Variants in TSPEAR observed in about 807,000 individuals in gnomAD.
TSPEAR encodes thrombospondin-type laminin G domain and EAR repeat-containing protein.
In TSPEAR, 69 loss-of-function variants were observed where a neutral mutation model predicts 71.6. That is an observed-to-expected ratio of 0.96 (90% CI 0.79 to 1.18). The LOEUF is 1.18. TSPEAR is among the 50% of genes most tolerant of loss of function. The pLI is 0.00. For missense variants in TSPEAR, 971 were observed against 894.9 expected, an observed-to-expected ratio of 1.09 and a Z score of -1.09; for synonymous variants, 402 against 387.2, an observed-to-expected ratio of 1.04 and a Z score of -0.45.
chr21:44,512,914 CG>C (rs1402451400), intron 9 of TSPEAR, among the ~76,000 whole-genome samples: 1 of 152,066 alleles, frequency 6.6e-6, no homozygotes, highest in Non-Finnish European at 1.5e-5. Flanking sequence ...CCTGGGGGGC[CG>C]GGGGCGGCTC....
At chr21:44,688,025 G>C (rs1318725970) in intron 1 of TSPEAR, among the ~76,000 whole-genome samples, 1 of 151,980 alleles carries the variant, frequency 6.6e-6, no homozygotes, top group East Asian at 1.9e-4. Context: ...GATGCCCACT[G>C]TTTAATTTTT....
At position 44,525,750 on chromosome 21, in the gene TSPEAR, A is replaced by T. The variant is rs782763210; in HGVS notation, c.1239T>A (p.Phe413Leu). The change falls in exon 8 of 12, where the codon TTT (phenylalanine) becomes TTA (leucine). Residue 413 changes from phenylalanine to leucine, a missense_variant. Transcript: ENST00000323084. ...IYKWSHRKLK[F>L]TPYQSIATHS... is the part of the protein sequence containing the mutation. ...GTGTGGCAATGCTCTGATATGGGGTAAACTTCAGCTTTCTGTGGCTCCATT... is the reference window on the plus strand; with the variant it reads ...GTGTGGCAATGCTCTGATATGGGGTTAACTTCAGCTTTCTGTGGCTCCATT... The T allele has an allele frequency of 1.2e-6, 2 of 1,614,144 alleles. No homozygotes were observed. Among genetic ancestry groups the T allele is most frequent in the Non-Finnish European group, 1.7e-6 (2 of 1,180,030 alleles).
Position 44,527,303 on chromosome 21 carries a change from T to A in TSPEAR, c.1138A>T (p.Ile380Phe). The A allele has an allele frequency of 6.2e-7, 1 of 1,614,172 alleles. No individual in the cohort carries two copies. Among genetic ancestry groups the A allele is most frequent in the Non-Finnish European group, 8.5e-7 (1 of 1,180,020 alleles). The change falls in exon 7 of 12, where the codon ATC becomes TTC. Residue 380 changes from isoleucine to phenylalanine, a missense_variant. Coordinates refer to ENST00000323084, the MANE Select transcript of TSPEAR (RefSeq NM_144991.3). ...GAACACAGACTTGCCTTTTTCCCGATGGTGAAATGCCTCCAGGCCTGTGCT... is the reference window on the plus strand; with the variant it reads ...GAACACAGACTTGCCTTTTTCCCGAAGGTGAAATGCCTCCAGGCCTGTGCT... ...HQAQAWRHFT[I>F]GKKIFLAVAN...
intron 1 of TSPEAR, among the ~76,000 whole-genome samples, chr21:44,652,198 T>C (rs1984845977): frequency 2.0e-5 from 3 of 152,318 alleles, no homozygotes; most frequent in Admixed American, 2.0e-4. Context: ...TTAGCCAGGA[T>C]GGTCTCGATC....
At chr21:44,656,557 C>A (rs1985158997) in intron 1 of TSPEAR, among the ~76,000 whole-genome samples, 2 of 152,192 alleles carry the variant, frequency 1.3e-5, no homozygotes, top group African/African-American at 4.8e-5. Context: ...TTGCAAGAAC[C>A]TTATACCTTG....
intron 1 of TSPEAR, chr21:44,697,494 C>A: frequency 1.2e-6 from 2 of 1,614,040 alleles, no homozygotes; most frequent in African/African-American, 1.3e-5. Flanking sequence ...TGCACCTCCT[C>A]CCCCTGCCAG....
At chr21:44,671,590 T>C (rs782685955) in intron 1 of TSPEAR, among the ~76,000 whole-genome samples, 18 of 152,224 alleles carry the variant, frequency 1.2e-4, no homozygotes, top group Non-Finnish European at 4.4e-5. Context: ...ACACTAGTGA[T>C]GCTGTTCACA....
intron 9 of TSPEAR, chr21:44,519,030 GTTTTTT>G (rs587613806): frequency 1.2e-5 from 2 of 170,028 alleles, no homozygotes; most frequent in African/African-American, 2.4e-5. Flanking sequence ...TGCTTTTGTT[GTTTTTT>G]TTTTGTTTTT....
chr21:44,529,635 C>A (rs587702779), intron 5 of TSPEAR, among the ~76,000 whole-genome samples, 163 bp downstream of exon 5: 1 of 152,220 alleles, frequency 6.6e-6, no homozygotes, highest in African/African-American at 2.4e-5. Flanking sequence ...GGGGTGGGCC[C>A]CGAGTATCCC....
intron 1 of TSPEAR, among the ~76,000 whole-genome samples, chr21:44,581,602 T>C (rs1601443966): frequency 6.6e-6 from 1 of 152,230 alleles, no homozygotes; most frequent in African/African-American, 2.4e-5. Flanking sequence ...TTTCTATGCG[T>C]GTGCATTATT....
intron 1 of TSPEAR, among the ~76,000 whole-genome samples, chr21:44,689,362 C>T (rs1987007649): frequency 6.6e-6 from 1 of 151,860 alleles, no homozygotes; most frequent in Non-Finnish European, 1.5e-5. Context: ...ATTAGCCAGG[C>T]GTGTTGGCGG....
chr21:44,567,324 C>T (rs928386128), intron 2 of TSPEAR, among the ~76,000 whole-genome samples: 4 of 146,360 alleles, frequency 2.7e-5, no homozygotes, highest in Admixed American at 6.8e-5. Context: ...ACAGATATGA[C>T]GTGCACTGTC....
intron 1 of TSPEAR, chr21:44,654,373 CACAAA>C (rs782589324): frequency 1.9e-6 from 3 of 1,614,076 alleles, no homozygotes; most frequent in Non-Finnish European, 2.5e-6. Context: ...GGAAGCCACA[CACAAA>C]ACAGGCTTGC....
Position 44,612,484 on chromosome 21 carries a change from C to T in TSPEAR, c.83-44479G>A. The T allele has an allele frequency of 6.2e-7, 1 of 1,610,066 alleles. No individual in the cohort carries two copies. Among genetic ancestry groups the T allele is most frequent in the Non-Finnish European group, 8.5e-7 (1 of 1,177,122 alleles). Reference sequence around the variant, plus strand: ...TGCCTGTGTGCTGCAAGTCCAACTGCTGCAAGCCCGTGTGCTGCGTGTCCA... The same window carrying T: ...TGCCTGTGTGCTGCAAGTCCAACTGTTGCAAGCCCGTGTGCTGCGTGTCCA... On this transcript the variant is annotated intron_variant, in intron 1 of 11. Coordinates refer to ENST00000323084, the MANE Select transcript of TSPEAR (RefSeq NM_144991.3). This position sits in a 1 kb window ranked among gnomAD's most constrained non-coding sequence, Gnocchi z 4.1.
At chr21:44,518,434 C>T (rs1449509237) in intron 9 of TSPEAR, 10 of 393,634 alleles carry the variant, frequency 2.5e-5, no homozygotes, top group South Asian at 1.9e-4. Context: ...TTTAGGATCA[C>T]GGTGTTGGTA....
rs148421362 is a variant in TSPEAR at position 44,527,498 on chromosome 21, C to T, written c.943G>A (p.Val315Met). 184 of 1,614,196 alleles carry T rather than the reference C, an allele frequency of 1.1e-4. 1 individual carries two copies. In the African/African-American group the frequency reaches 1.7e-3, roughly 15 times the overall value. The change falls in exon 7 of 12, where the codon GTG (valine) becomes ATG (methionine). Residue 315 changes from valine (V) to methionine (M), a missense_variant. By Grantham distance (21) the Val-to-Met change is conservative. Coordinates refer to ENST00000323084, the MANE Select transcript of TSPEAR (RefSeq NM_144991.3). ...VLAAKERLDY[V>M]EEHQNLSTNS... is the part of the protein sequence containing the mutation. ...GTGGACAAGTTCTGATGCTCCTCCA[C>T]GTAGTCCAGTCTTTCTTTGGCTTGT...
chr21:44,590,458 G>T (rs2146120212), intron 1 of TSPEAR, among the ~76,000 whole-genome samples: 1 of 152,218 alleles, frequency 6.6e-6, no homozygotes, highest in South Asian at 2.1e-4. Context: ...GGGGCAGGGG[G>T]GCCCGCAGGC....
At chr21:44,544,692 G>A (rs966800646) in intron 2 of TSPEAR, among the ~76,000 whole-genome samples, 13 of 152,208 alleles carry the variant, frequency 8.5e-5, no homozygotes, top group African/African-American at 1.7e-4. Context: ...TGTGCTGCCC[G>A]GGGGGAGCCA....
rs782180394 is a variant in TSPEAR, at chr21:44,697,277, T to G, written c.82+14156A>C. On this transcript the variant is annotated intron_variant, in intron 1 of 11. Coordinates refer to ENST00000323084, the MANE Select transcript of TSPEAR (RefSeq NM_144991.3). ...TGGTTCCTGTGACTCTTGCTCCGAC[T>G]CCTGGCAGGTGGACGACTGCCCAGA... 6.8e-6 allele frequency: 11 copies of G among 1,613,892 alleles called. No individual in the cohort carries two copies. The African/African-American group carries it at 1.3e-4, about 20-fold the overall frequency.
Sources: gnomAD v4.1 joint callset for allele counts (sites outside exome capture counted in the v4.1 genomes callset) on GRCh38, gnomAD v4.1.1 for gene constraint, Gnocchi (gnomAD v3.1) non-coding constraint, MANE v1.5 for transcripts, NCBI Gene and HGNC (gene_info 2026-07-23, HGNC 2026-07-21) for gene names.